The following COL15A1 variants were observed in gnomAD, a reference collection of about 807,000 sequenced individuals.
The protein encoded by COL15A1 is collagen alpha-1(XV) chain.
COL15A1 carries 111 observed loss-of-function variants against 165.9 expected under a neutral mutation model. The ratio of observed to expected loss-of-function variants is 0.67; its 90% CI spans 0.57 to 0.78. COL15A1 has a LOEUF of 0.78. COL15A1 is among the 30% of genes least tolerant of loss of function. The pLI, the probability that COL15A1 is intolerant of heterozygous loss-of-function variation, is 0.00. For synonymous variants in COL15A1, 659 were observed against 674.8 expected (o/e 0.98, Z 0.36); for missense variants, 1,745 against 1,789.7 (o/e 0.98, Z 0.45).
At position 99,003,483 on chromosome 9, in the gene COL15A1, G is replaced by A. The variant is rs750560611; in HGVS notation, c.1096G>A (p.Glu366Lys). ...NLAATAAGLA[E>K]VPISTAGEAE... ...AGCAGCAACAGCAGCGGGGCTGGCC[G>A]AGGTGCCCATCAGCACTGCTGGAGA... Residue 366 changes from glutamate (E) to lysine (K), a missense_variant, in exon 8 of 42, where the codon GAG (glutamate) becomes AAG (lysine). Coordinates refer to ENST00000375001, the MANE Select transcript of COL15A1 (RefSeq NM_001855.5). 8 of 1,541,270 alleles carry A rather than the reference G, an allele frequency of 5.2e-6. No individual in the cohort carries two copies. Among genetic ancestry groups the A allele is most frequent in the South Asian group, 2.5e-5 (2 of 80,818 alleles).
rs1825953772 is a variant in COL15A1 at position 99,069,740 on chromosome 9, G to A, written c.4021G>A (p.Ala1341Thr). 6.2e-7 allele frequency: 1 copy of A among 1,614,252 alleles called. No individual in the cohort carries two copies. The highest frequency in any genetic ancestry group is 8.5e-7 in the Non-Finnish European group (1 of 1,180,034). The stretch of plus-strand genomic sequence containing the variant: ...CCGCCTTGTGGATAACTACTGTGAA[G>A]CATGGCGAACCGCGGACACAGCGGT... ...GVRLVDNYCEAWRTADTAVTG... is the reference protein window; with the variant it reads ...GVRLVDNYCETWRTADTAVTG... Residue 1341 changes from alanine to threonine, a missense_variant, in exon 42 of 42, where the codon GCA (alanine) becomes ACA (threonine). Physicochemically the swap from Ala to Thr is moderately conservative, Grantham distance 58. Transcript: ENST00000375001.
rs1237214409 is a variant in COL15A1, at chr9:99,040,385, C to T, written c.2476-136C>T. On this transcript the variant is annotated intron_variant, in intron 22 of 41. Transcript: ENST00000375001. ...AGACCCTCACAGGGCCCCTTCTTCCCTAATGCTGTGTCAATCCGTCTTCCC... is the reference window on the plus strand; with the variant it reads ...AGACCCTCACAGGGCCCCTTCTTCCTTAATGCTGTGTCAATCCGTCTTCCC... The T allele has an allele frequency of 1.2e-5, 17 of 1,432,360 alleles. No homozygotes were observed. The South Asian group carries it at 2.0e-4, about 17-fold the overall frequency. 88.7% of individuals were successfully genotyped at this position (1,432,360 alleles called of 1,614,324 possible).
intron 22 of COL15A1, 141 bp downstream of exon 22, chr9:99,038,874 A>G (rs1351258641): frequency 1.4e-5 from 8 of 591,594 alleles, no homozygotes; most frequent in South Asian, 7.3e-5. Flanking sequence ...AAAGCTTTGC[A>G]TTTTTTGAAA....
intron 35 of COL15A1, among the ~76,000 whole-genome samples, chr9:99,058,264 G>T (rs916822863): frequency 6.6e-6 from 1 of 152,242 alleles, no homozygotes; most frequent in African/African-American, 2.4e-5. Flanking sequence ...GTCCTGATGG[G>T]CCTGACTTGG....
intron 5 of COL15A1, among the ~76,000 whole-genome samples, chr9:98,990,929 G>T (rs1350659539): frequency 1.3e-5 from 2 of 152,134 alleles, no homozygotes; most frequent in Admixed American, 1.3e-4. Context: ...ATATTTGGAT[G>T]TGTTCAGAGT....
chr9:98,961,922 C>T (rs1157219971), intron 2 of COL15A1, among the ~76,000 whole-genome samples: 2 of 152,240 alleles, frequency 1.3e-5, no homozygotes, highest in Non-Finnish European at 2.9e-5. Context: ...GGAGCCAGCA[C>T]AAAGAGCCCC....
chr9:98,997,631 T>C (rs1454858191), intron 6 of COL15A1, among the ~76,000 whole-genome samples: 2 of 152,234 alleles, frequency 1.3e-5, no homozygotes, highest in African/African-American at 4.8e-5. Flanking sequence ...AGTGAGAAAC[T>C]GATGGCCAGA....
intron 2 of COL15A1, among the ~76,000 whole-genome samples, chr9:98,948,779 A>T (rs769812559): frequency 2.0e-5 from 3 of 152,122 alleles, no homozygotes; most frequent in Non-Finnish European, 4.4e-5. Flanking sequence ...CCAGGTAGGG[A>T]TGGTGGTGTC....
intron 2 of COL15A1, among the ~76,000 whole-genome samples, chr9:98,985,085 C>CCTGG (rs1200067797): frequency 2.6e-5 from 4 of 152,160 alleles, no homozygotes; most frequent in South Asian, 2.1e-4. Context: ...AGCCACCATA[C>CCTGG]CTGGCCCCTA....
At chr9:99,043,451 T>C (rs34749011) in intron 24 of COL15A1, among the ~76,000 whole-genome samples, 19,155 of 152,020 alleles carry the variant, frequency 0.13, 1,262 homozygotes, top group South Asian at 0.2. Flanking sequence ...GGACATGACA[T>C]CCCCGCCCTA....
At chr9:99,014,206 A>C (rs1838892260) in intron 9 of COL15A1, among the ~76,000 whole-genome samples, 1 of 152,196 alleles carries the variant, frequency 6.6e-6, no homozygotes, top group South Asian at 2.1e-4. Flanking sequence ...AACTTCAGCT[A>C]AGACAAAACC....
At chr9:99,050,869 C>A (rs1839575809) in intron 30 of COL15A1, among the ~76,000 whole-genome samples, 1 of 152,194 alleles carries the variant, frequency 6.6e-6, no homozygotes, top group Non-Finnish European at 1.5e-5. Flanking sequence ...CGTATTTGCC[C>A]AGACATCTGG....
chr9:98,999,462 A>G (rs1049082801), intron 6 of COL15A1, among the ~76,000 whole-genome samples: 4 of 150,938 alleles, frequency 2.7e-5, no homozygotes, highest in African/African-American at 9.7e-5. Flanking sequence ...CAATCTTGGC[A>G]TGGGCCCAGC....
intron 18 of COL15A1, 75 bp from the exon 19 acceptor site, chr9:99,035,275 C>A: frequency 6.2e-7 from 1 of 1,608,578 alleles, no homozygotes; most frequent in Non-Finnish European, 8.5e-7. Flanking sequence ...GAGCCGCCAG[C>A]TTCCAACACC....
intron 35 of COL15A1, among the ~76,000 whole-genome samples, chr9:99,057,306 T>A (rs1185762967): frequency 6.6e-6 from 1 of 152,204 alleles, no homozygotes; most frequent in Non-Finnish European, 1.5e-5. Flanking sequence ...TGACTAATGA[T>A]GTTGAGCATC....
rs150571834 is a variant in COL15A1, at chr9:99,049,722, C to T, written c.2826C>T (p.Pro942=). The T allele has an allele frequency of 4.3e-5, 69 of 1,614,020 alleles. 1 individual carries two copies. The South Asian group carries it at 7.4e-4, about 17-fold the overall frequency. The change falls in exon 29 of 42, where the codon CCC becomes CCT. Residue 942 remains proline, a synonymous_variant. Coordinates refer to ENST00000375001, the MANE Select transcript of COL15A1 (RefSeq NM_001855.5). ...CTGGCTTACCTGGCCCTCCAGGCCC[C>T]CCTGGGCCACCTGGAGCTGTGATTA... ...GPPGLPGPPG[P]PGPPGAVINI... is the part of the protein sequence containing the mutation.
At chr9:99,063,372 G>T (rs997598494) in intron 39 of COL15A1, among the ~76,000 whole-genome samples, 1 of 152,208 alleles carries the variant, frequency 6.6e-6, no homozygotes, top group African/African-American at 2.4e-5. Flanking sequence ...GCTGAGTTCG[G>T]GAGTGAGCCA....
In COL15A1 at chr9:98,978,064, C is replaced by T. The variant is rs7034532; in HGVS notation, c.101-7501C>T. ...CTCGTGGTACCAAGACTCTGTCCACCCTTGCTTGGCTGCCCCATCTGTTGC... is the reference window on the plus strand; with the variant it reads ...CTCGTGGTACCAAGACTCTGTCCACTCTTGCTTGGCTGCCCCATCTGTTGC... On this transcript the variant is annotated intron_variant, in intron 2 of 41. Coordinates refer to ENST00000375001, the MANE Select transcript of COL15A1 (RefSeq NM_001855.5). Among the ~76,000 whole-genome samples, 1,069 of 152,328 alleles carry T rather than the reference C, an allele frequency of 7.0e-3. 15 individuals carry two copies. The highest frequency in any genetic ancestry group is 0.024 in the African/African-American group (1,011 of 41,560).
rs1251910682 is a variant in COL15A1, at chr9:99,025,091, C to G, written c.1980+92C>G. On this transcript the variant is annotated intron_variant, in intron 15 of 41. Transcript: ENST00000375001. ...ACAGATTGCAAAACCCAGCACTGTC[C>G]AAGGTTCGCGATGGGGAGAGAGCAG... 12 of 1,116,144 alleles carry G rather than the reference C, an allele frequency of 1.1e-5. No individual in the cohort carries two copies. The Admixed American group carries it at 2.9e-4, about 27-fold the overall frequency. The allele number at this position is 1,116,144 out of a possible 1,614,324, so 69.1% of individuals were successfully genotyped here. A position where few individuals can be genotyped will look rare whatever the true frequency, so the allele number is the denominator to read the frequency against.
Sources: gnomAD v4.1 joint callset for allele counts (sites outside exome capture counted in the v4.1 genomes callset) on GRCh38, gnomAD v4.1.1 for gene constraint, MANE v1.5 for transcripts, NCBI Gene and HGNC (gene_info 2026-07-23, HGNC 2026-07-21) for gene names.